POLE4: variants seen among roughly 807,000 people sequenced by gnomAD.
POLE4 encodes the protein DNA polymerase epsilon subunit 4.
In POLE4, 15 loss-of-function variants were observed where a neutral mutation model predicts 15.6. The ratio of observed to expected loss-of-function variants is 0.96; its 90% CI spans 0.64 to 1.48. POLE4 has a LOEUF of 1.48. Ranked by LOEUF, POLE4 falls within the 40% of genes most tolerant of loss-of-function variation. The probability of loss-of-function intolerance (pLI) is 0.00; values close to 1 mark genes in which losing one functional copy is unlikely to be tolerated. For synonymous variants in POLE4, 83 were observed against 63.2 expected (o/e 1.31, Z -1.49); for missense variants, 205 against 151.9 (o/e 1.35, Z -1.84).
At chr2:74,966,916 G>C (rs974009852) in intron 3 of POLE4, among the ~76,000 whole-genome samples, 10 of 151,046 alleles carry the variant, frequency 6.6e-5, no homozygotes, top group Non-Finnish European at 1.2e-4. Context: ...TCATTTTACT[G>C]CTTTTTTTTT....
chr2:74,968,317 C>T (rs1271402587), intron 3 of POLE4, among the ~76,000 whole-genome samples: 1 of 151,762 alleles, frequency 6.6e-6, no homozygotes, highest in Non-Finnish European at 1.5e-5. Context: ...TTATCTAGGT[C>T]ATTAAAAAAA....
Position 74,959,421 on chromosome 2 carries a change from C to T in POLE4, c.294C>T (p.Asp98=). The part of the protein sequence containing the change: ...QGKRKTLQRR[D]LDNAIEAVDE... ...AAAGGAAAACCCTTCAGAGGAGAGA[C>T]TTGGGTAGAGTGGCACTGCAGTGTC... is the stretch of plus-strand genomic sequence containing the variant. Residue 98 remains aspartate (D), a synonymous_variant, in exon 2 of 4, where the codon GAC becomes GAT. Coordinates refer to ENST00000483063, the MANE Select transcript of POLE4 (RefSeq NM_019896.4). 6.2e-7 allele frequency: 1 copy of T among 1,606,350 alleles called. No homozygotes were observed. The highest frequency in any genetic ancestry group is 8.5e-7 in the Non-Finnish European group (1 of 1,173,002).
intron 3 of POLE4, chr2:74,961,180 T>C (rs1671215862): frequency 6.6e-6 from 1 of 152,316 alleles, no homozygotes; most frequent in African/African-American, 2.4e-5. Flanking sequence ...CAGGGTGTTC[T>C]CATTACCTCC....
chr2:74,959,982 A>G (rs747025203), intron 2 of POLE4, 123 bp from the exon 3 acceptor site: 3 of 736,484 alleles, frequency 4.1e-6, no homozygotes, highest in Admixed American at 4.2e-5. Context: ...GCAGCAAGGG[A>G]CGCATCTTAT....
intron 3 of POLE4, chr2:74,960,465 A>C: frequency 2.2e-6 from 1 of 463,214 alleles, no homozygotes; most frequent in Admixed American, 3.1e-5. Context: ...GCCCCCCCTC[A>C]TCATGTTACA....
chr2:74,968,589 T>C (rs1671324939), intron 3 of POLE4, among the ~76,000 whole-genome samples: 1 of 151,966 alleles, frequency 6.6e-6, no homozygotes, highest in South Asian at 2.1e-4. Flanking sequence ...CTCCATATAG[T>C]TCATTTGGTT....
In POLE4 at chr2:74,958,760, C is replaced by G. The variant is rs1258887157; in HGVS notation, c.81C>G (p.Pro27=). 1.9e-6 allele frequency: 3 copies of G among 1,540,720 alleles called. No homozygotes were observed. Among genetic ancestry groups the G allele is most frequent in the Non-Finnish European group, 2.6e-6 (3 of 1,142,620 alleles). The change falls in exon 1 of 4, where the codon CCC becomes CCG. Residue 27 remains proline, a synonymous_variant. Transcript: ENST00000483063. ...GPAGEAAASQ[P]QAPTSVPGAR... ...CTGGGGAGGCAGCGGCCTCGCAGCC[C>G]CAGGCCCCAACGAGTGTGCCTGGGG...
intron 3 of POLE4, among the ~76,000 whole-genome samples, chr2:74,963,641 C>T (rs151100800): frequency 6.6e-6 from 1 of 152,034 alleles, no homozygotes; most frequent in African/African-American, 2.4e-5. Context: ...GCGTGTACCA[C>T]CACGCCTGGC....
At chr2:74,962,274 A>G (rs937655683) in intron 3 of POLE4, among the ~76,000 whole-genome samples, 2 of 151,100 alleles carry the variant, frequency 1.3e-5, no homozygotes, top group Admixed American at 6.6e-5. Flanking sequence ...GTATTCCTTG[A>G]CTCCCCAGTT....
At chr2:74,962,421 C>G (rs965463559) in intron 3 of POLE4, among the ~76,000 whole-genome samples, 2 of 152,080 alleles carry the variant, frequency 1.3e-5, no homozygotes, top group African/African-American at 4.8e-5. Flanking sequence ...ATCTTCCATG[C>G]TTTATCTCTG....
intron 3 of POLE4, among the ~76,000 whole-genome samples, chr2:74,960,826 C>A (rs1346357709): frequency 6.6e-6 from 1 of 152,152 alleles, no homozygotes; most frequent in African/African-American, 2.4e-5. Flanking sequence ...TGAAAAATTC[C>A]TTTTGCCCAG....
At chr2:74,968,420 G>C (rs1467128314) in intron 3 of POLE4, among the ~76,000 whole-genome samples, 1 of 151,720 alleles carries the variant, frequency 6.6e-6, no homozygotes, top group African/African-American at 2.4e-5. Flanking sequence ...TTTGGTAACT[G>C]TGTGTGTGTG....
At chr2:74,959,200 G>C (rs1173389777) in intron 1 of POLE4, 141 bp from the exon 2 acceptor site, 7 of 635,566 alleles carry the variant, frequency 1.1e-5, no homozygotes, top group Non-Finnish European at 2.0e-5. Context: ...TCTTCATGAA[G>C]TCCAGGACAA....
At chr2:74,960,009 C>T (rs1671192441) in intron 2 of POLE4, 96 bp from the exon 3 acceptor site, 1 of 1,004,826 alleles carries the variant, frequency 1.0e-6, no homozygotes, top group African/African-American at 1.6e-5. Context: ...CCTCATTTGC[C>T]CAAAGCCTCA....
Position 74,969,411 on chromosome 2 carries a change from A to G in POLE4, c.343A>G (p.Thr115Ala). The change falls in exon 4 of 4, where the codon ACT (threonine) becomes GCT (alanine). Residue 115 changes from threonine (T) to alanine (A), a missense_variant and splice_region_variant. By Grantham distance (58) the Thr-to-Ala change is moderately conservative. Coordinates refer to ENST00000483063, the MANE Select transcript of POLE4 (RefSeq NM_019896.4). ...CTCATTGCTCTTTGTATGTTTAGGT[A>G]CTTTAGATTGATTGCCGAGCGGGGC... ...AVDEFAFLEGTLD is the reference protein window; with the variant it reads ...AVDEFAFLEGALD 1 of 1,613,734 alleles carries G rather than the reference A, an allele frequency of 6.2e-7. No homozygotes were observed. The highest frequency in any genetic ancestry group is 8.5e-7 in the Non-Finnish European group (1 of 1,179,688).
chr2:74,964,510 A>G (rs1378664128), intron 3 of POLE4, among the ~76,000 whole-genome samples: 2 of 152,072 alleles, frequency 1.3e-5, no homozygotes, highest in African/African-American at 4.8e-5. Flanking sequence ...TTTTACCTGA[A>G]GAAATCTTGA....
intron 3 of POLE4, among the ~76,000 whole-genome samples, chr2:74,962,315 C>T (rs1292122002): frequency 3.3e-5 from 5 of 152,072 alleles, no homozygotes; most frequent in African/African-American, 4.8e-5. Context: ...GCATGTATCC[C>T]TTTTCCCTTT....
intron 3 of POLE4, among the ~76,000 whole-genome samples, chr2:74,967,283 TTC>T (rs1202772866): frequency 1.3e-5 from 2 of 152,220 alleles, no homozygotes; most frequent in East Asian, 3.9e-4. Flanking sequence ...TTCCAGTTTA[TTC>T]TCTCCATTTG....
intron 3 of POLE4, chr2:74,961,626 A>G (rs1195981160): frequency 2.6e-5 from 4 of 152,238 alleles, no homozygotes; most frequent in Non-Finnish European, 4.4e-5. Context: ...TACTAGGAAT[A>G]GAAGTGGGGT....
Sources: allele counts gnomAD v4.1 joint callset (sites outside exome capture counted in the v4.1 genomes callset), GRCh38; gene constraint gnomAD v4.1.1; transcripts MANE v1.5; gene names NCBI Gene and HGNC (gene_info 2026-07-23, HGNC 2026-07-21).